The following BRD10 variants were observed in gnomAD, a reference collection of about 807,000 sequenced individuals.
BRD10 encodes uncharacterized bromodomain-containing protein 10.
At chr9:5,926,035 A>T in the BRD10 span, among the ~76,000 whole-genome samples, 1 of 152,120 alleles carries the variant, frequency 6.6e-6, no homozygotes, top group African/African-American at 2.4e-5. Context: ...CTCCTGCCTC[A>T]GCCTCCTGAG....
the BRD10 span, among the ~76,000 whole-genome samples, chr9:5,884,282 T>TA: frequency 6.6e-6 from 1 of 152,188 alleles, no homozygotes; most frequent in African/African-American, 2.4e-5. Context: ...GTCAACCCAT[T>TA]TTTTTCCCTG....
the BRD10 span, among the ~76,000 whole-genome samples, chr9:5,900,296 GGTT>G: frequency 2.6e-5 from 4 of 151,930 alleles, no homozygotes; most frequent in African/African-American, 9.7e-5. Context: ...TTAGATCAGT[GGTT>G]TGTAGTTTCT....
At chr9:5,879,123 T>G in the BRD10 span, among the ~76,000 whole-genome samples, 122 of 152,232 alleles carry the variant, frequency 8.0e-4, no homozygotes, top group African/African-American at 2.8e-3. Context: ...TACAAAGACT[T>G]TGCTAAACAT....
the BRD10 span, among the ~76,000 whole-genome samples, chr9:5,969,675 C>G: frequency 6.6e-6 from 1 of 152,110 alleles, no homozygotes. Flanking sequence ...TCCCAAGTAG[C>G]AGGGATTACA....
chr9:5,886,406 C>T, the BRD10 span, among the ~76,000 whole-genome samples: 2 of 152,208 alleles, frequency 1.3e-5, no homozygotes, highest in African/African-American at 2.4e-5. Context: ...TGTTGCTAGG[C>T]GTATTCTGTG....
At chr9:5,938,271 T>G in the BRD10 span, among the ~76,000 whole-genome samples, 41 of 152,188 alleles carry the variant, frequency 2.7e-4, no homozygotes, top group African/African-American at 7.2e-4. Flanking sequence ...CAAGACCTTA[T>G]CTCTTCCAAA....
chr9:5,922,058 G>C, the BRD10 span: 3 of 1,614,018 alleles, frequency 1.9e-6, no homozygotes, highest in Non-Finnish European at 2.5e-6. Context: ...AGGAGCAAAA[G>C]TGAAAACTGA....
chr9:5,958,521 G>A, the BRD10 span, among the ~76,000 whole-genome samples: 2 of 152,136 alleles, frequency 1.3e-5, no homozygotes. Flanking sequence ...TGTGATCCCA[G>A]CTCGCCTGTG....
chr9:5,967,709 A>AAC, the BRD10 span, among the ~76,000 whole-genome samples: 454 of 151,468 alleles, frequency 3.0e-3, 3 homozygotes, highest in African/African-American at 7.7e-3. Flanking sequence ...AAAAAAAAAA[A>AAC]AACACACATT....
At chr9:5,968,869 A>T in the BRD10 span, 1 of 1,613,294 alleles carries the variant, frequency 6.2e-7, no homozygotes, top group East Asian at 2.2e-5. Context: ...CCCTGCATTC[A>T]TGGATAGGCT....
the BRD10 span, chr9:6,007,505 G>A: frequency 7.4e-6 from 12 of 1,612,786 alleles, no homozygotes; most frequent in East Asian, 2.5e-4. Flanking sequence ...GTGAGGCCCC[G>A]GTGCTTCTCC....
chr9:5,968,369 T>A, the BRD10 span: 1 of 1,611,178 alleles, frequency 6.2e-7, no homozygotes, highest in East Asian at 2.2e-5. Context: ...TCTGGAAGCT[T>A]CACCGTATTT....
At chr9:5,987,454 T>C in the BRD10 span, among the ~76,000 whole-genome samples, 1 of 152,158 alleles carries the variant, frequency 6.6e-6, no homozygotes, top group African/African-American at 2.4e-5. Flanking sequence ...CTTTACCCCT[T>C]TCCATAAGCC....
chr9:5,931,710 G>C, the BRD10 span, among the ~76,000 whole-genome samples: 2 of 152,044 alleles, frequency 1.3e-5, no homozygotes, highest in Admixed American at 6.6e-5. Flanking sequence ...AAACCCAAAA[G>C]TTTATTATTT....
chr9:5,973,575 A>T, the BRD10 span, among the ~76,000 whole-genome samples: 1 of 152,334 alleles, frequency 6.6e-6, no homozygotes, highest in East Asian at 1.9e-4. Flanking sequence ...AAAGAAACAC[A>T]AATCAATATC....
the BRD10 span, among the ~76,000 whole-genome samples, chr9:5,911,951 T>C: frequency 6.6e-6 from 1 of 152,244 alleles, no homozygotes; most frequent in African/African-American, 2.4e-5. Flanking sequence ...TGATAGGGAT[T>C]GCATTGAATC....
At chr9:5,888,679 C>T in the BRD10 span, among the ~76,000 whole-genome samples, 9 of 152,204 alleles carry the variant, frequency 5.9e-5, no homozygotes, top group East Asian at 1.9e-4. Context: ...AAGTTGACAA[C>T]GACCAGTTGA....
the BRD10 span, among the ~76,000 whole-genome samples, chr9:6,006,106 G>A: frequency 6.6e-6 from 1 of 152,200 alleles, no homozygotes; most frequent in Non-Finnish European, 1.5e-5. Flanking sequence ...TGCCGTTTCA[G>A]ATATGAAGTA....
At chr9:5,969,252 C>A in the BRD10 span, 1 of 1,613,692 alleles carries the variant, frequency 6.2e-7, no homozygotes, top group Non-Finnish European at 8.5e-7. Context: ...CGTTCCAATT[C>A]GTAAAAGACT....
Sources: allele counts gnomAD v4.1 joint callset (sites outside exome capture counted in the v4.1 genomes callset), GRCh38; gene constraint gnomAD v4.1.1; transcripts MANE v1.5; gene names NCBI Gene and HGNC (gene_info 2026-07-23, HGNC 2026-07-21).